The following DNAJC11 variants were observed in gnomAD, a reference collection of about 807,000 sequenced individuals.
DNAJC11 encodes the protein dnaJ homolog subfamily C member 11.
In DNAJC11, 15 loss-of-function variants were observed where a neutral mutation model predicts 78.6. The observed-to-expected ratio is 0.19, with a 90% CI of 0.13 to 0.29. The LOEUF is 0.29. Ranked by LOEUF, DNAJC11 falls within the 10% of genes least tolerant of loss-of-function variation. DNAJC11 has a pLI of 1.00. For missense variants in DNAJC11, 547 were observed against 709.6 expected, an observed-to-expected ratio of 0.77 and a Z score of 2.60; for synonymous variants, 292 against 272.1, an observed-to-expected ratio of 1.07 and a Z score of -0.72.
chr1:6,678,667 T>C (rs993555069), intron 2 of DNAJC11, among the ~76,000 whole-genome samples, 200 bp from the exon 3 acceptor site: 5 of 152,206 alleles, frequency 3.3e-5, no homozygotes, highest in Admixed American at 2.0e-4. Context: ...TATTGACTTA[T>C]TGACTGACAG....
rs1185482173 is a variant in DNAJC11 at position 6,636,157 on chromosome 1, C to T, written c.1614G>A (p.Val538=). 1 of 1,614,216 alleles carries T rather than the reference C, an allele frequency of 6.2e-7. No homozygotes were observed. Among genetic ancestry groups the T allele is most frequent in the Non-Finnish European group, 8.5e-7 (1 of 1,180,038 alleles). ...GGAGGGCCTCACTGTCCAGCACCAT[C>T]ACCTGATGCAGGACGCCCCGGAACT... ...LYQFRGVLHQ[V]MVLDSEALRI... is the part of the protein sequence containing the mutation. The change falls in exon 15 of 16, where the codon GTG becomes GTA. Residue 538 remains valine, a synonymous_variant. Transcript: ENST00000377577.
At chr1:6,676,373 G>T (rs1642462242) in intron 3 of DNAJC11, among the ~76,000 whole-genome samples, 1 of 152,146 alleles carries the variant, frequency 6.6e-6, no homozygotes, top group South Asian at 2.1e-4. Context: ...AATTCACTGT[G>T]TGAGGCAATC....
intron 3 of DNAJC11, chr1:6,668,032 G>T: frequency 1.9e-6 from 1 of 530,596 alleles, no homozygotes; most frequent in Non-Finnish European, 3.4e-6. Context: ...AGGTTGAAAT[G>T]AGTTTTCACT....
intron 10 of DNAJC11, among the ~76,000 whole-genome samples, chr1:6,644,357 C>T (rs1641933586): frequency 6.6e-6 from 1 of 152,240 alleles, no homozygotes; most frequent in South Asian, 2.1e-4. Flanking sequence ...TGGTCTCAAA[C>T]TCCTGACCTC....
chr1:6,676,767 G>A (rs752308049), intron 3 of DNAJC11, among the ~76,000 whole-genome samples: 2 of 152,122 alleles, frequency 1.3e-5, no homozygotes, highest in Non-Finnish European at 2.9e-5. Flanking sequence ...TGGAAAGGCA[G>A]GAAAGGAAAT....
chr1:6,669,493 A>G (rs749201260), intron 3 of DNAJC11, among the ~76,000 whole-genome samples: 2 of 150,834 alleles, frequency 1.3e-5, no homozygotes, highest in Non-Finnish European at 2.9e-5. Context: ...CCTGGGCAAC[A>G]TGAGCAAGAA....
Position 6,645,237 on chromosome 1 carries a change from G to C in DNAJC11, c.895-111C>G. ...GCATCTGCTGCACACAGGCCTTTAA[G>C]GCAGGGGTCACGGTCTGGCAGCCGC... On this transcript the variant is annotated intron_variant, in intron 8 of 15. Coordinates refer to ENST00000377577, the MANE Select transcript of DNAJC11 (RefSeq NM_018198.4). This position sits in a 1 kb window ranked among gnomAD's most constrained non-coding sequence, Gnocchi z 4.1. 1 of 821,648 alleles carries C rather than the reference G, an allele frequency of 1.2e-6. No individual in the cohort carries two copies. The highest frequency in any genetic ancestry group is 2.1e-6 in the Non-Finnish European group (1 of 486,512). The allele number at this position is 821,648 out of a possible 1,614,324, so 50.9% of individuals were successfully genotyped here.
At chr1:6,646,105 TAAAA>T in intron 7 of DNAJC11, 127 bp from the exon 8 acceptor site, 1 of 741,562 alleles carries the variant, frequency 1.3e-6, no homozygotes, top group Non-Finnish European at 2.0e-6. Context: ...CAGCTCCCAG[TAAAA>T]AAAAAAGCAG....
chr1:6,640,013 G>A lies in DNAJC11; in HGVS notation c.1142C>T (p.Thr381Met). The A allele has an allele frequency of 6.3e-7, 1 of 1,589,780 alleles. No homozygotes were observed. The highest frequency in any genetic ancestry group is 8.6e-7 in the Non-Finnish European group (1 of 1,167,466). Residue 381 changes from threonine (T) to methionine (M), a missense_variant, in exon 11 of 16, where the codon ACG becomes ATG. Thr to Met is a moderately conservative substitution (Grantham distance 81, BLOSUM62 -1). Coordinates refer to ENST00000377577, the MANE Select transcript of DNAJC11 (RefSeq NM_018198.4). ...CATGGCGCTGGGCAGAAGCTGGTCCGTCAAGTGAATAGGGAAGAAGTATGT... is the reference window on the plus strand; with the variant it reads ...CATGGCGCTGGGCAGAAGCTGGTCCATCAAGTGAATAGGGAAGAAGTATGT... ...SQTYFFPIHL[T>M]DQLLPSAMFY...
intron 1 of DNAJC11, among the ~76,000 whole-genome samples, chr1:6,684,431 T>C (rs866499548): frequency 2.0e-5 from 3 of 152,222 alleles, no homozygotes; most frequent in Non-Finnish European, 4.4e-5. Context: ...TTGTGTCTCA[T>C]AAAGTTACAA....
At chr1:6,669,956 ATT>A (rs538878984) in intron 3 of DNAJC11, among the ~76,000 whole-genome samples, 4 of 145,398 alleles carry the variant, frequency 2.8e-5, no homozygotes, top group Middle Eastern at 3.3e-3. Flanking sequence ...TCAAAAAATA[ATT>A]TTTTTTTTTT....
In DNAJC11 at chr1:6,639,972, C is replaced by T; in HGVS notation, c.1183G>A (p.Gly395Arg). The change falls in exon 11 of 16, where the codon GGG becomes AGG. Residue 395 changes from glycine to arginine, a missense_variant. Physicochemically the swap from Gly to Arg is moderately radical, Grantham distance 125. Transcript: ENST00000377577. ...ATGGCAAAGTAGACCACTAGAGGCC[C>T]CACGGTGGCATAGAACATGGCGCTG... ...LPSAMFYATV[G>R]PLVVYFAMHR... 6.2e-7 allele frequency: 1 copy of T among 1,613,562 alleles called. No homozygotes were observed. Among genetic ancestry groups the T allele is most frequent in the Middle Eastern group, 1.7e-4 (1 of 6,058 alleles).
chr1:6,657,718 C>T (rs907414614), intron 4 of DNAJC11, among the ~76,000 whole-genome samples: 2 of 152,198 alleles, frequency 1.3e-5, no homozygotes, highest in Non-Finnish European at 2.9e-5. Context: ...GATCTCGGCT[C>T]GCTGCAAGCT....
rs779661036 is a variant in DNAJC11, at chr1:6,637,430, A to C, written c.1381+17T>G. ...CCCAGCGCCCACCCTGGACCAAGAG[A>C]GGACACATGTTCTCACCCATTCTGG... On this transcript the variant is annotated intron_variant, in intron 13 of 15. Coordinates refer to ENST00000377577, the MANE Select transcript of DNAJC11 (RefSeq NM_018198.4). The C allele has an allele frequency of 1.9e-6, 3 of 1,614,154 alleles. No individual in the cohort carries two copies. The South Asian group carries it at 3.3e-5, about 18-fold the overall frequency.
intron 1 of DNAJC11, among the ~76,000 whole-genome samples, chr1:6,685,449 T>C (rs1007651298): frequency 2.6e-5 from 4 of 152,226 alleles, no homozygotes; most frequent in African/African-American, 9.6e-5. Flanking sequence ...TCCTTCAAGA[T>C]GGATCCTGAC....
intron 3 of DNAJC11, among the ~76,000 whole-genome samples, chr1:6,671,536 ATT>A (rs34229944): frequency 2.4e-5 from 3 of 127,260 alleles, no homozygotes; most frequent in Admixed American, 8.1e-5. Context: ...GCGCCTGGCC[ATT>A]TTTTTTTTTT....
At chr1:6,676,646 C>A (rs915716051) in intron 3 of DNAJC11, among the ~76,000 whole-genome samples, 1 of 152,250 alleles carries the variant, frequency 6.6e-6, no homozygotes, top group Middle Eastern at 3.4e-3. Flanking sequence ...CACCAACACA[C>A]TGCAGCCTGG....
chr1:6,677,441 C>A (rs554613805), intron 3 of DNAJC11, among the ~76,000 whole-genome samples: 1 of 151,806 alleles, frequency 6.6e-6, no homozygotes, highest in Non-Finnish European at 1.5e-5. Context: ...TACAGGTGTG[C>A]GCCACCAAGC....
Position 6,634,217 on chromosome 1 carries a change from C to G in DNAJC11, c.*1458G>C. On this transcript the variant is annotated 3_prime_UTR_variant, in exon 16 of 16. Transcript: ENST00000377577. ...TGGTGAGTGCCTTCTGTACAGTCGACTGCAAATGAAACGCAGAGGATGGGT... is the reference window on the plus strand; with the variant it reads ...TGGTGAGTGCCTTCTGTACAGTCGAGTGCAAATGAAACGCAGAGGATGGGT... 1.0e-6 allele frequency: 1 copy of G among 965,670 alleles called. No individual in the cohort carries two copies. The highest frequency in any genetic ancestry group is 1.6e-6 in the Non-Finnish European group (1 of 644,472). The allele number at this position is 965,670 out of a possible 1,614,324, so 59.8% of individuals were successfully genotyped here.
Sources: gnomAD v4.1 joint callset for allele counts (sites outside exome capture counted in the v4.1 genomes callset) on GRCh38, gnomAD v4.1.1 for gene constraint, Gnocchi (gnomAD v3.1) non-coding constraint, MANE v1.5 for transcripts, NCBI Gene and HGNC (gene_info 2026-07-23, HGNC 2026-07-21) for gene names.